The following PRDM2 variants were observed in gnomAD, a reference collection of about 807,000 sequenced individuals.
PRDM2 encodes the protein PR/SET domain 2.
PRDM2 carries 30 observed loss-of-function variants against 130.0 expected under a neutral mutation model. The observed-to-expected ratio is 0.23, with a 90% CI of 0.17 to 0.31. The LOEUF is 0.31. PRDM2 is among the 10% of genes least tolerant of loss of function. PRDM2 has a pLI of 1.00. For missense variants in PRDM2, 2,011 were observed against 2,108.4 expected, an observed-to-expected ratio of 0.95 and a Z score of 0.90; for synonymous variants, 871 against 782.4, an observed-to-expected ratio of 1.11 and a Z score of -1.89.
intron 8 of PRDM2, among the ~76,000 whole-genome samples, chr1:13,792,077 A>G (rs1231201981): frequency 1.3e-5 from 2 of 152,210 alleles, no homozygotes; most frequent in Non-Finnish European, 2.9e-5. Context: ...CTGGAGTGTC[A>G]TTTCAGCAAC....
Position 13,824,290 on chromosome 1 carries a change from A to G in PRDM2, c.*1155A>G, listed in dbSNP as rs1645399626. On this transcript the variant is annotated 3_prime_UTR_variant, in exon 10 of 10. Transcript: ENST00000311066. The stretch of plus-strand genomic sequence containing the variant: ...TTCAAGAGTGAGCTATCAAACCCAG[A>G]GCGGAAGGAGGGAGCTCTGATGAGC... 6.6e-6 allele frequency: 1 copy of G among 152,544 alleles called. No homozygotes were observed. Among genetic ancestry groups the G allele is most frequent in the South Asian group, 2.1e-4 (1 of 4,828 alleles). 9.4% of individuals were successfully genotyped at this position (152,544 alleles called of 1,614,324 possible).
At chr1:13,773,995 A>G (rs183014505) in intron 7 of PRDM2, among the ~76,000 whole-genome samples, 1 of 152,252 alleles carries the variant, frequency 6.6e-6, no homozygotes, top group Non-Finnish European at 1.5e-5. Context: ...ATTTTTGTAT[A>G]ACAGAACAAA....
rs781323144 is a variant in PRDM2 at position 13,730,959 on chromosome 1, T to C, written c.10-41T>C. ...AAAAAAAAAACCCATGATTTGAGTTTTCTTTCTTTTGCTGTGATCCTTCCA... is the reference window on the plus strand; with the variant it reads ...AAAAAAAAAACCCATGATTTGAGTTCTCTTTCTTTTGCTGTGATCCTTCCA... On this transcript the variant is annotated intron_variant, in intron 2 of 9. Transcript: ENST00000311066. 8.5e-6 allele frequency: 12 copies of C among 1,416,300 alleles called. No homozygotes were observed. In the African/African-American group the frequency reaches 1.0e-4, roughly 12 times the overall value. 87.7% of individuals were successfully genotyped at this position (1,416,300 alleles called of 1,614,324 possible). A position where few individuals can be genotyped will look rare whatever the true frequency, so the allele number is the denominator to read the frequency against.
intron 6 of PRDM2, among the ~76,000 whole-genome samples, chr1:13,757,197 A>C (rs998029694): frequency 6.6e-6 from 1 of 152,236 alleles, no homozygotes; most frequent in Admixed American, 6.5e-5. Context: ...TGGATTGCAT[A>C]GGTATATTGT....
At position 13,782,732 on chromosome 1, in the gene PRDM2, G is replaced by A. The variant is rs768601988; in HGVS notation, c.4937G>A (p.Gly1646Glu). 3 of 1,613,752 alleles carry A rather than the reference G, an allele frequency of 1.9e-6. No individual in the cohort carries two copies. The highest frequency in any genetic ancestry group is 1.7e-6 in the Non-Finnish European group (2 of 1,179,914). ...AATATAAAATCTAGAGAGCGGAGTGGGGGGCCAGTCACCCGGAGCCTTCAG... is the reference window on the plus strand; with the variant it reads ...AATATAAAATCTAGAGAGCGGAGTGAGGGGCCAGTCACCCGGAGCCTTCAG... ...RFNIKSRERS[G>E]GPVTRSLQLA... Residue 1646 changes from glycine to glutamate, a missense_variant, in exon 8 of 10, where the codon GGG becomes GAG. Physicochemically the swap from Gly to Glu is moderately conservative, Grantham distance 98 (BLOSUM62 -2). Coordinates refer to ENST00000311066, the MANE Select transcript of PRDM2 (RefSeq NM_001393986.1).
intron 7 of PRDM2, among the ~76,000 whole-genome samples, chr1:13,777,639 C>G (rs1368444100): frequency 1.7e-5 from 1 of 58,066 alleles, no homozygotes; most frequent in Non-Finnish European, 3.6e-5. Flanking sequence ...CCTCCCACCC[C>G]CCCCCCCAAT....
intron 4 of PRDM2, among the ~76,000 whole-genome samples, chr1:13,739,678 A>G (rs1643380579): frequency 6.6e-6 from 1 of 152,192 alleles, no homozygotes. Context: ...ACATTTTTGT[A>G]TATACATCTG....
chr1:13,767,187 A>G (rs1234774765), intron 6 of PRDM2, among the ~76,000 whole-genome samples: 3 of 152,202 alleles, frequency 2.0e-5, no homozygotes, highest in Non-Finnish European at 1.5e-5. Context: ...ATACTTGTTC[A>G]GATCAGGGTT....
chr1:13,765,892 C>G (rs751828504), intron 6 of PRDM2, among the ~76,000 whole-genome samples: 2 of 152,146 alleles, frequency 1.3e-5, no homozygotes, highest in Non-Finnish European at 2.9e-5. Flanking sequence ...GTACTTTATA[C>G]TTTTCTCCTC....
chr1:13,793,088 A>G (rs1036042071), intron 8 of PRDM2, among the ~76,000 whole-genome samples: 4 of 152,106 alleles, frequency 2.6e-5, no homozygotes, highest in Non-Finnish European at 5.9e-5. Context: ...TACTGCAGAG[A>G]GTGTGTGTAG....
chr1:13,787,646 T>C, intron 8 of PRDM2: 1 of 963,730 alleles, frequency 1.0e-6, no homozygotes, highest in Non-Finnish European at 1.2e-6. Context: ...AAAAATAAAA[T>C]ATTTAAAATT....
At chr1:13,816,694 A>G (rs1219522174) in intron 9 of PRDM2, 124 bp downstream of exon 9, 1 of 1,310,898 alleles carries the variant, frequency 7.6e-7, no homozygotes, top group Non-Finnish European at 1.0e-6. Flanking sequence ...TGTACCAGGC[A>G]CGGTGCAGGG....
chr1:13,768,240 G>A (rs1456713942), intron 6 of PRDM2, among the ~76,000 whole-genome samples: 2 of 150,970 alleles, frequency 1.3e-5, no homozygotes, highest in African/African-American at 2.4e-5. Flanking sequence ...CCACCACCAC[G>A]CCCGGCTAAT....
At chr1:13,814,238 G>A (rs7551586) in intron 8 of PRDM2, among the ~76,000 whole-genome samples, 14,413 of 152,232 alleles carry the variant, frequency 0.095, 897 homozygotes, top group African/African-American at 0.17. Context: ...TTGGTGGCCC[G>A]TCAGGAGCAC....
chr1:13,814,059 A>G (rs1396824811), intron 8 of PRDM2, among the ~76,000 whole-genome samples: 1 of 152,052 alleles, frequency 6.6e-6, no homozygotes, highest in Non-Finnish European at 1.5e-5. Flanking sequence ...GGGAAGGGGG[A>G]CATCGTAGGG....
Position 13,823,238 on chromosome 1 carries a change from T to C in PRDM2, c.*103T>C. ...AGGGAGTACCGACCTATCCCAGTTG[T>C]GTGAGGCTGCGAGAGAAAGGGAGTG... On this transcript the variant is annotated 3_prime_UTR_variant, in exon 10 of 10. Coordinates refer to ENST00000311066, the MANE Select transcript of PRDM2 (RefSeq NM_001393986.1). 1.3e-6 allele frequency: 2 copies of C among 1,588,910 alleles called. No homozygotes were observed. Among genetic ancestry groups the C allele is most frequent in the Non-Finnish European group, 1.7e-6 (2 of 1,158,400 alleles).
In PRDM2 at chr1:13,778,985, A is replaced by G; in HGVS notation, c.1190A>G (p.Lys397Arg). The change falls in exon 8 of 10, where the codon AAA becomes AGA. Residue 397 changes from lysine to arginine, a missense_variant. Lys to Arg is a conservative substitution (Grantham distance 26). Around this residue, in one of 5 missense-constraint regions of PRDM2, gnomAD observed 1,288 missense variants for 1,237.7 expected, o/e 1.04. Coordinates refer to ENST00000311066, the MANE Select transcript of PRDM2 (RefSeq NM_001393986.1). ...NHAFKCKYCG[K>R]AFGTQINRRR... ...GCTTTCAAATGCAAGTACTGTGGGA[A>G]AGCCTTTGGCACACAGATTAACCGG... The G allele has an allele frequency of 6.2e-7, 1 of 1,614,230 alleles. No individual in the cohort carries two copies. Among genetic ancestry groups the G allele is most frequent in the Non-Finnish European group, 8.5e-7 (1 of 1,180,038 alleles).
intron 6 of PRDM2, among the ~76,000 whole-genome samples, chr1:13,752,486 AAATTAT>A (rs534627403): frequency 5.6e-4 from 86 of 152,352 alleles, no homozygotes; most frequent in South Asian, 1.0e-3. Context: ...AACCACAGAA[AAATTAT>A]AATTATAAAA....
intron 8 of PRDM2, among the ~76,000 whole-genome samples, chr1:13,802,159 C>T (rs1645017935): frequency 6.6e-6 from 1 of 152,218 alleles, no homozygotes; most frequent in Non-Finnish European, 1.5e-5. Flanking sequence ...ATGAGACCTC[C>T]AGCTCCACAG....
Sources: gnomAD v4.1 joint callset for allele counts (sites outside exome capture counted in the v4.1 genomes callset) on GRCh38, gnomAD v4.1.1 for gene constraint, gnomAD v4.1.1 regional missense constraint, MANE v1.5 for transcripts, NCBI Gene and HGNC (gene_info 2026-07-23, HGNC 2026-07-21) for gene names.